QKI: variants seen among roughly 807,000 people sequenced by gnomAD.
QKI encodes the protein KH domain-containing RNA-binding protein QKI.
In QKI, 10 loss-of-function variants were observed where a neutral mutation model predicts 39.0. The ratio of observed to expected loss-of-function variants is 0.26; its 90% CI spans 0.16 to 0.43. The LOEUF (loss-of-function observed/expected upper bound fraction) is 0.43, where lower values mean the gene tolerates loss of function less well. Among genes scored for constraint, QKI ranks in the 20% least tolerant of loss-of-function variants. The pLI, the probability that QKI is intolerant of heterozygous loss-of-function variation, is 1.00. For missense variants in QKI, 218 were observed against 428.0 expected (o/e 0.51, Z 4.33); for synonymous variants, 204 against 155.4 (o/e 1.31, Z -2.33).
At chr6:163,526,630 C>A (rs1200738179) in intron 3 of QKI, among the ~76,000 whole-genome samples, 1 of 152,146 alleles carries the variant, frequency 6.6e-6, no homozygotes, top group Non-Finnish European at 1.5e-5. Flanking sequence ...TGGGAAATAA[C>A]AAATCACTTG....
At chr6:163,432,532 G>T (rs181715122) in intron 1 of QKI, among the ~76,000 whole-genome samples, 343 of 152,000 alleles carry the variant, frequency 2.3e-3, no homozygotes, top group Admixed American at 4.6e-3. Context: ...AGGTAGGACT[G>T]CAGGGGTGAG....
intron 2 of QKI, among the ~76,000 whole-genome samples, chr6:163,477,498 G>T (rs939855550): frequency 6.6e-6 from 1 of 152,160 alleles, no homozygotes; most frequent in African/African-American, 2.4e-5. Context: ...ATGGATCATG[G>T]TGGGGGTTTA....
At chr6:163,494,522 A>T (rs79786318) in intron 3 of QKI, among the ~76,000 whole-genome samples, 3,797 of 152,326 alleles carry the variant, frequency 0.025, 158 homozygotes, top group African/African-American at 0.086. Context: ...GGCAATAAAA[A>T]TCTGAGTCAC....
intron 2 of QKI, among the ~76,000 whole-genome samples, chr6:163,474,538 T>C (rs1178880281): frequency 6.6e-6 from 1 of 151,992 alleles, no homozygotes; most frequent in Non-Finnish European, 1.5e-5. Context: ...AAAATTATGA[T>C]ATACGGTAGC....
chr6:163,522,533 C>G lies in QKI; in HGVS notation c.403-12449C>G, dbSNP rs143816287. Reference sequence around the variant, plus strand: ...TTTTGTGCGTTTGTTTTTGAGTAACCAGTTCTTTTCATTTTGTCTCTATTC... The same window carrying G: ...TTTTGTGCGTTTGTTTTTGAGTAACGAGTTCTTTTCATTTTGTCTCTATTC... On this transcript the variant is annotated intron_variant, in intron 3 of 7. Coordinates refer to ENST00000361752, the MANE Select transcript of QKI (RefSeq NM_006775.3). 2.5e-3 allele frequency among the ~76,000 whole-genome samples: 387 copies of G among 151,866 alleles called. 2 individuals are homozygous for G. Among genetic ancestry groups the G allele is most frequent in the African/African-American group, 8.8e-3 (365 of 41,410 alleles).
chr6:163,439,457 C>T (rs1789583963), intron 1 of QKI, among the ~76,000 whole-genome samples: 2 of 148,712 alleles, frequency 1.3e-5, no homozygotes, highest in African/African-American at 2.5e-5. Context: ...AAGTGATTCT[C>T]CTGCCTCAGT....
intron 4 of QKI, among the ~76,000 whole-genome samples, chr6:163,542,562 T>C (rs1781602320): frequency 6.6e-6 from 1 of 152,028 alleles, no homozygotes; most frequent in Non-Finnish European, 1.5e-5. Flanking sequence ...AATACAGAAA[T>C]TAAGTGATTT....
intron 3 of QKI, among the ~76,000 whole-genome samples, chr6:163,490,702 T>C (rs1777995872): frequency 6.6e-6 from 1 of 152,176 alleles, no homozygotes. Context: ...AAGCAGTGCA[T>C]TGACACTCTT....
intron 6 of QKI, chr6:163,565,492 G>T: frequency 2.0e-6 from 2 of 987,646 alleles, no homozygotes; most frequent in Non-Finnish European, 2.4e-6. Context: ...AATAGCAAGA[G>T]GCACTGCAGT....
intron 1 of QKI, among the ~76,000 whole-genome samples, chr6:163,420,154 C>CT (rs35131240): frequency 0.015 from 884 of 60,816 alleles, 1 homozygote; most frequent in Middle Eastern, 0.035. Flanking sequence ...CTTTTCTTTT[C>CT]TTTTTTTTTT....
intron 1 of QKI, among the ~76,000 whole-genome samples, chr6:163,441,454 G>T (rs921618194): frequency 6.6e-6 from 1 of 152,136 alleles, no homozygotes; most frequent in African/African-American, 2.4e-5. Context: ...TTCAAAAGGT[G>T]TTTTTTCTCC....
intron 3 of QKI, among the ~76,000 whole-genome samples, chr6:163,517,289 C>A (rs1426495150): frequency 2.0e-5 from 3 of 152,198 alleles, no homozygotes; most frequent in Non-Finnish European, 4.4e-5. Context: ...TTAAAGACTT[C>A]TAATGGAATA....
At chr6:163,569,202 C>G in intron 7 of QKI, 1 of 959,294 alleles carries the variant, frequency 1.0e-6, no homozygotes, top group Non-Finnish European at 1.2e-6. Flanking sequence ...TAAAATTCCA[C>G]TTTTAAGAAA....
intron 1 of QKI, among the ~76,000 whole-genome samples, chr6:163,432,928 T>G (rs1788950769): frequency 6.6e-6 from 1 of 152,188 alleles, no homozygotes; most frequent in South Asian, 2.1e-4. Context: ...TTGTAAATCT[T>G]GAGTAAAAGA....
At chr6:163,566,018 A>G (rs769766848) in intron 6 of QKI, 2 of 1,603,734 alleles carry the variant, frequency 1.2e-6, no homozygotes, top group Non-Finnish European at 8.5e-7. Flanking sequence ...TCTGAATTTA[A>G]CAAATGCTTA....
At chr6:163,511,258 T>A (rs922013357) in intron 3 of QKI, among the ~76,000 whole-genome samples, 2 of 152,150 alleles carry the variant, frequency 1.3e-5, no homozygotes, top group Non-Finnish European at 2.9e-5. Context: ...ATTTATATAT[T>A]TAATTATGTT....
chr6:163,434,769 T>C (rs1343125602), intron 1 of QKI, among the ~76,000 whole-genome samples: 1 of 152,042 alleles, frequency 6.6e-6, no homozygotes, highest in African/African-American at 2.4e-5. Context: ...TTAAAAAAAT[T>C]AAATTTTACA....
rs9347764 is a variant in QKI at position 163,561,863 on chromosome 6, C to T, written c.547-119C>T. On this transcript the variant is annotated intron_variant, in intron 4 of 7. Transcript: ENST00000361752. ...TTTTGGTTCTTGATCTTTTTTTCCC[C>T]TTATTAAAACAGGTGACTGTAGTCA... The T allele has an allele frequency of 9.2e-6, 6 of 652,848 alleles. No individual in the cohort carries two copies. The African/African-American group carries it at 1.1e-4, about 12-fold the overall frequency. The allele number at this position is 652,848 out of a possible 1,614,324, so 40.4% of individuals were successfully genotyped here. A position where few individuals can be genotyped will look rare whatever the true frequency, so the allele number is the denominator to read the frequency against.
At chr6:163,526,519 C>T (rs1039711186) in intron 3 of QKI, among the ~76,000 whole-genome samples, 3 of 152,168 alleles carry the variant, frequency 2.0e-5, no homozygotes, top group South Asian at 2.1e-4. Flanking sequence ...TTGTTAGCAA[C>T]AGGAGCTCAG....
Sources: gnomAD v4.1 joint callset for allele counts (sites outside exome capture counted in the v4.1 genomes callset) on GRCh38, gnomAD v4.1.1 for gene constraint, MANE v1.5 for transcripts, NCBI Gene and HGNC (gene_info 2026-07-23, HGNC 2026-07-21) for gene names.